Variants in RAB31 observed in about 807,000 individuals in gnomAD.
The protein encoded by RAB31 is RAB31, member RAS oncogene family.
Under a neutral mutation model 25.6 loss-of-function variants are expected in RAB31, and 21 were observed. That is an observed-to-expected ratio of 0.82 (90% CI 0.58 to 1.18). The LOEUF (loss-of-function observed/expected upper bound fraction) is 1.18. Ranked by LOEUF, RAB31 falls within the 50% of genes most tolerant of loss-of-function variation. RAB31 has a pLI of 0.00. For missense variants in RAB31, 196 were observed against 250.1 expected (o/e 0.78, Z 1.46); for synonymous variants, 87 against 84.0 (o/e 1.04, Z -0.20).
chr18:9,839,957 G>A (rs571898207), intron 5 of RAB31, among the ~76,000 whole-genome samples: 28 of 152,264 alleles, frequency 1.8e-4, no homozygotes, highest in East Asian at 1.2e-3. Context: ...ATCCCGCAGC[G>A]GCTCAGGAGG....
At position 9,764,238 on chromosome 18, in the gene RAB31, T is replaced by A. The variant is rs1311548745; in HGVS notation, c.40-11040T>A. ...TGTCACCCTAACCTCCTGCCTTTGA[T>A]TCCTTTGTAAAGTTTAAGTCTCATT... is the stretch of plus-strand genomic sequence containing the variant. On this transcript the variant is annotated intron_variant, in intron 1 of 6. Coordinates refer to ENST00000578921, the MANE Select transcript of RAB31 (RefSeq NM_006868.4). Among the ~76,000 whole-genome samples the A allele has an allele frequency of 2.6e-5, 4 of 152,234 alleles. No homozygotes were observed. In the South Asian group the frequency reaches 8.3e-4, roughly 32 times the overall value.
intron 1 of RAB31, among the ~76,000 whole-genome samples, chr18:9,764,893 A>G (rs1240742449): frequency 6.6e-6 from 1 of 152,136 alleles, no homozygotes; most frequent in Non-Finnish European, 1.5e-5. Context: ...CATGAGGTAG[A>G]TAGATAAAAT....
At chr18:9,824,960 C>T (rs536914333) in intron 5 of RAB31, among the ~76,000 whole-genome samples, 2 of 152,296 alleles carry the variant, frequency 1.3e-5, no homozygotes, top group South Asian at 2.1e-4. Flanking sequence ...TGTAACCCCC[C>T]GTCCTTCCTG....
chr18:9,824,403 T>C (rs1241053877), intron 5 of RAB31, among the ~76,000 whole-genome samples: 1 of 139,678 alleles, frequency 7.2e-6, no homozygotes, highest in Non-Finnish European at 1.5e-5. Flanking sequence ...TAGATGTATG[T>C]GTATATGAGT....
chr18:9,712,953 A>G (rs376262450), intron 1 of RAB31, among the ~76,000 whole-genome samples: 5 of 152,366 alleles, frequency 3.3e-5, no homozygotes, highest in African/African-American at 1.2e-4. Context: ...CTCATTAAAG[A>G]GCAGTCAAAT....
chr18:9,763,292 A>G (rs941044157), intron 1 of RAB31, among the ~76,000 whole-genome samples: 2 of 152,324 alleles, frequency 1.3e-5, no homozygotes, highest in African/African-American at 4.8e-5. Context: ...GGGCAACTCA[A>G]ATGAAAACCT....
chr18:9,824,819 TA>T (rs2068642230), intron 5 of RAB31, among the ~76,000 whole-genome samples: 1 of 152,208 alleles, frequency 6.6e-6, no homozygotes, highest in Admixed American at 6.5e-5. Context: ...TGAACAACCC[TA>T]AACAAAATCT....
chr18:9,843,205 T>C (rs947752221), intron 5 of RAB31, among the ~76,000 whole-genome samples: 7 of 152,090 alleles, frequency 4.6e-5, no homozygotes, highest in African/African-American at 1.7e-4. Flanking sequence ...CTGCACCCCA[T>C]TGTGGGCAGA....
chr18:9,816,939 A>G (rs1211174602), intron 5 of RAB31, among the ~76,000 whole-genome samples: 2 of 152,224 alleles, frequency 1.3e-5, no homozygotes, highest in African/African-American at 2.4e-5. Flanking sequence ...AGCTCTTAAC[A>G]TAGCATTTAA....
At chr18:9,852,240 T>C (rs2068792861) in intron 6 of RAB31, among the ~76,000 whole-genome samples, 1 of 152,206 alleles carries the variant, frequency 6.6e-6, no homozygotes, top group Non-Finnish European at 1.5e-5. Context: ...TAATTTAATC[T>C]ATAAATATTT....
At chr18:9,757,486 A>T (rs1208879740) in intron 1 of RAB31, among the ~76,000 whole-genome samples, 2 of 152,222 alleles carry the variant, frequency 1.3e-5, no homozygotes, top group Non-Finnish European at 2.9e-5. Flanking sequence ...ACCTTCAGAG[A>T]GTAATGCCCA....
At chr18:9,813,106 G>A (rs1287425272) in intron 3 of RAB31, among the ~76,000 whole-genome samples, 2 of 152,172 alleles carry the variant, frequency 1.3e-5, no homozygotes, top group Non-Finnish European at 2.9e-5. Flanking sequence ...TCCTGTCTGG[G>A]GATGAACGAT....
intron 2 of RAB31, among the ~76,000 whole-genome samples, chr18:9,779,104 G>A (rs2068389176): frequency 6.6e-6 from 1 of 152,166 alleles, no homozygotes; most frequent in African/African-American, 2.4e-5. Context: ...GATCGAATTA[G>A]AAGTGGGCCC....
intron 5 of RAB31, among the ~76,000 whole-genome samples, chr18:9,830,004 A>AATATTATTATT (rs200320298): frequency 2.0e-5 from 3 of 149,400 alleles, no homozygotes; most frequent in Non-Finnish European, 4.4e-5. Context: ...TGCTTTTAAA[A>AATATTATTATT]AATATTATTA....
chr18:9,784,807 C>A (rs1215533574), intron 2 of RAB31, among the ~76,000 whole-genome samples: 1 of 152,056 alleles, frequency 6.6e-6, no homozygotes, highest in Non-Finnish European at 1.5e-5. Context: ...CCCCCATCAA[C>A]CTCCCAAAGT....
intron 5 of RAB31, chr18:9,830,776 A>T (rs1362367697): frequency 1.3e-5 from 2 of 152,218 alleles, no homozygotes; most frequent in African/African-American, 4.8e-5. Flanking sequence ...TCAGGAAGTT[A>T]TTCCCCTAAT....
chr18:9,780,264 T>G (rs990436931), intron 2 of RAB31, among the ~76,000 whole-genome samples: 40 of 151,096 alleles, frequency 2.6e-4, no homozygotes, highest in Admixed American at 2.0e-4. Context: ...GTACATACAG[T>G]TTTTTTTTAC....
At chr18:9,720,378 A>G (rs1186583446) in intron 1 of RAB31, among the ~76,000 whole-genome samples, 2 of 152,202 alleles carry the variant, frequency 1.3e-5, no homozygotes, top group Admixed American at 6.5e-5. Flanking sequence ...GGGAAAAGTT[A>G]GGTAACAGTA....
At chr18:9,832,481 C>T (rs1034145984) in intron 5 of RAB31, among the ~76,000 whole-genome samples, 14 of 152,220 alleles carry the variant, frequency 9.2e-5, no homozygotes, top group South Asian at 2.1e-4. Flanking sequence ...CAGCAACCTG[C>T]AGAGCTGCCT....
Sources: gnomAD v4.1 joint callset for allele counts (sites outside exome capture counted in the v4.1 genomes callset) on GRCh38, gnomAD v4.1.1 for gene constraint, MANE v1.5 for transcripts, NCBI Gene and HGNC (gene_info 2026-07-23, HGNC 2026-07-21) for gene names.